NF1: variants seen among roughly 807,000 people sequenced by gnomAD.
NF1 encodes neurofibromin.
NF1 carries 122 observed loss-of-function variants against 325.7 expected under a neutral mutation model. The ratio of observed to expected loss-of-function variants is 0.37; its 90% CI spans 0.32 to 0.44. NF1 has a LOEUF of 0.44. Ranked by LOEUF, NF1 falls within the 20% of genes least tolerant of loss-of-function variation. The probability of loss-of-function intolerance (pLI) is 1.00; values close to 1 mark genes in which losing one functional copy is unlikely to be tolerated. For synonymous variants in NF1, 1,091 were observed against 1,186.0 expected, an observed-to-expected ratio of 0.92 and a Z score of 1.65; for missense variants, 2,140 against 3,415.4, an observed-to-expected ratio of 0.63 and a Z score of 9.31.
intron 57 of NF1, among the ~76,000 whole-genome samples, chr17:31,366,053 C>T (rs2070513428): frequency 6.6e-6 from 1 of 151,714 alleles, no homozygotes; most frequent in East Asian, 1.9e-4. Flanking sequence ...TCCTGCTTCA[C>T]CCTGCTGAGT....
At chr17:31,305,628 T>A (rs1050900648) in intron 36 of NF1, 1 of 1,602,324 alleles carries the variant, frequency 6.2e-7, no homozygotes, top group African/African-American at 1.3e-5. Flanking sequence ...ATTTCCTCGT[T>A]ATCTATAGCG....
At chr17:31,236,478 C>T (rs2067205808) in intron 29 of NF1, among the ~76,000 whole-genome samples, 1 of 152,068 alleles carries the variant, frequency 6.6e-6, no homozygotes, top group African/African-American at 2.4e-5. Flanking sequence ...CTCACTCTGC[C>T]ATTCAGGCTG....
In NF1 at chr17:31,181,749, A is replaced by T. The variant is rs876660027; in HGVS notation, c.694A>T (p.Thr232Ser). The T allele has an allele frequency of 6.2e-7, 1 of 1,610,662 alleles. No homozygotes were observed. Among genetic ancestry groups the T allele is most frequent in the Non-Finnish European group, 8.5e-7 (1 of 1,177,082 alleles). Residue 232 changes from threonine (T) to serine (S), a missense_variant, in exon 7 of 58, where the codon ACA becomes TCA. Physicochemically the swap from Thr to Ser is moderately conservative, Grantham distance 58. Transcript: ENST00000358273. ...GGTAGAAAATTATCCAGATGAATTT[A>T]CAAAACTGTACCAGATCCCACAGAC... The part of the protein sequence containing the change: ...NWVENYPDEF[T>S]KLYQIPQTDM...
intron 36 of NF1, chr17:31,295,246 G>T: frequency 6.2e-7 from 1 of 1,614,056 alleles, no homozygotes; most frequent in South Asian, 1.1e-5. Flanking sequence ...TTGTGTTTGT[G>T]ACCATTCCAT....
At chr17:31,103,826 T>TA (rs943917970) in intron 1 of NF1, among the ~76,000 whole-genome samples, 167 of 143,856 alleles carry the variant, frequency 1.2e-3, no homozygotes, top group South Asian at 4.0e-3. Flanking sequence ...AAAAAACAAA[T>TA]AAAAAAAAAA....
At chr17:31,319,309 T>C (rs1450474185) in intron 36 of NF1, among the ~76,000 whole-genome samples, 1 of 152,070 alleles carries the variant, frequency 6.6e-6, no homozygotes, top group Non-Finnish European at 1.5e-5. Flanking sequence ...TTTCTTCCTT[T>C]GAAGCGTGCT....
chr17:31,337,001 T>A (rs1311984771), intron 42 of NF1, 87 bp downstream of exon 42: 1 of 1,423,334 alleles, frequency 7.0e-7, no homozygotes, highest in Non-Finnish European at 9.7e-7. Context: ...TATTTATGTT[T>A]GTGCTCTAAC....
At chr17:31,151,805 A>T (rs1012858129) in intron 1 of NF1, among the ~76,000 whole-genome samples, 28 of 152,200 alleles carry the variant, frequency 1.8e-4, no homozygotes, top group African/African-American at 6.0e-4. Context: ...GAATGCATAG[A>T]TGGAGAACTC....
intron 36 of NF1, among the ~76,000 whole-genome samples, chr17:31,324,295 G>A (rs1477718414): frequency 6.6e-6 from 1 of 152,140 alleles, no homozygotes; most frequent in Admixed American, 6.5e-5. Context: ...TTGACCTCCT[G>A]ACCTCAGGTG....
In NF1 at chr17:31,226,671, T is replaced by C. The variant is rs768161162; in HGVS notation, c.2238T>C (p.Asn746=). Residue 746 remains asparagine (N), a synonymous_variant, in exon 18 of 58, where the codon AAT becomes AAC. Coordinates refer to ENST00000358273, the MANE Select transcript of NF1 (RefSeq NM_001042492.3). The part of the protein sequence containing the change: ...NTFMEFASVS[N]MMSTGRAALQ... ...TCATGGAGTTTGCCTCTGTCAGCAATATGATGTCAACAGGTAAATGTGAAT... is the reference window on the plus strand; with the variant it reads ...TCATGGAGTTTGCCTCTGTCAGCAACATGATGTCAACAGGTAAATGTGAAT... The C allele has an allele frequency of 1.5e-5, 24 of 1,613,726 alleles. No homozygotes were observed. In the Admixed American group the frequency reaches 3.8e-4, roughly 26 times the overall value.
At chr17:31,258,014 A>C in intron 31 of NF1, among the ~76,000 whole-genome samples, 1 of 152,130 alleles carries the variant, frequency 6.6e-6, no homozygotes, top group East Asian at 1.9e-4. Context: ...CTTTGTGTGA[A>C]AAATTTGGTC....
chr17:31,335,906 G>A (rs891978629), intron 40 of NF1, among the ~76,000 whole-genome samples: 3 of 146,984 alleles, frequency 2.0e-5, no homozygotes, highest in Admixed American at 1.4e-4. Flanking sequence ...TGCCCAGGCT[G>A]GTCTTGAACT....
intron 36 of NF1, among the ~76,000 whole-genome samples, chr17:31,281,780 G>A (rs1451211454): frequency 2.6e-5 from 4 of 152,072 alleles, no homozygotes; most frequent in Non-Finnish European, 5.9e-5. Context: ...AATTGCCTGG[G>A]CACAGTGGCT....
chr17:31,102,289 A>G (rs1010973320), intron 1 of NF1, among the ~76,000 whole-genome samples: 1 of 152,206 alleles, frequency 6.6e-6, no homozygotes, highest in African/African-American at 2.4e-5. Context: ...TATGAATGTG[A>G]AGCACTTTGA....
At chr17:31,131,824 G>A (rs1460449590) in intron 1 of NF1, among the ~76,000 whole-genome samples, 1 of 152,026 alleles carries the variant, frequency 6.6e-6, no homozygotes, top group Non-Finnish European at 1.5e-5. Context: ...ATCAATTGGG[G>A]AGTTTATATA....
At position 31,230,348 on chromosome 17, in the gene NF1, G is replaced by A. The variant is rs774066804; in HGVS notation, c.3079G>A (p.Asp1027Asn). 7 of 1,613,506 alleles carry A rather than the reference G, an allele frequency of 4.3e-6. No homozygotes were observed. The highest frequency in any genetic ancestry group is 5.9e-6 in the Non-Finnish European group (7 of 1,179,602). ...AGTTGAAGTAATGATGGCAAGGAGAGATGACCTCTCATTTTGCCAAGAGAT... is the reference window on the plus strand; with the variant it reads ...AGTTGAAGTAATGATGGCAAGGAGAAATGACCTCTCATTTTGCCAAGAGAT... ...QLVEVMMARR[D>N]DLSFCQEMKF... The change falls in exon 23 of 58, where the codon GAT becomes AAT. Residue 1027 changes from aspartate to asparagine, a missense_variant. Coordinates refer to ENST00000358273, the MANE Select transcript of NF1 (RefSeq NM_001042492.3).
chr17:31,233,589 T>A (rs1021867413), intron 27 of NF1, among the ~76,000 whole-genome samples: 2 of 152,220 alleles, frequency 1.3e-5, no homozygotes, highest in Non-Finnish European at 2.9e-5. Flanking sequence ...TTCCCCATAA[T>A]GTCTCATACA....
intron 5 of NF1, among the ~76,000 whole-genome samples, chr17:31,174,804 A>G (rs1290542918): frequency 6.6e-6 from 1 of 152,172 alleles, no homozygotes; most frequent in Admixed American, 6.5e-5. Context: ...AATAGTTACT[A>G]TTGCATATAG....
In NF1 at chr17:31,229,017, G is replaced by A. The variant is rs1060500270; in HGVS notation, c.2410-8G>A. 6 of 1,591,906 alleles carry A rather than the reference G, an allele frequency of 3.8e-6. No homozygotes were observed. In the African/African-American group the frequency reaches 8.1e-5, roughly 21 times the overall value. ...AATTCATGCTTTGCACAAAAATTTT[G>A]TGTTTAGGCTGCTGAAAGCCTTCAC... On this transcript the variant is annotated splice_region_variant and splice_polypyrimidine_tract_variant and intron_variant, in intron 20 of 57. Coordinates refer to ENST00000358273, the MANE Select transcript of NF1 (RefSeq NM_001042492.3).
Sources: allele counts gnomAD v4.1 joint callset (sites outside exome capture counted in the v4.1 genomes callset), GRCh38; gene constraint gnomAD v4.1.1; transcripts MANE v1.5; gene names NCBI Gene and HGNC (gene_info 2026-07-23, HGNC 2026-07-21).